Variants in WDPCP observed in about 807,000 individuals in gnomAD.
WDPCP encodes WD repeat containing planar cell polarity effector.
WDPCP carries 71 observed loss-of-function variants against 93.1 expected under a neutral mutation model. The observed-to-expected ratio is 0.76, with a 90% CI of 0.63 to 0.93. The LOEUF is 0.93. Among genes scored for constraint, WDPCP ranks in the 40% least tolerant of loss-of-function variants. WDPCP has a pLI of 0.00. For missense variants in WDPCP, 844 were observed against 887.4 expected, an observed-to-expected ratio of 0.95 and a Z score of 0.62; for synonymous variants, 315 against 315.0, an observed-to-expected ratio of 1.00 and a Z score of 0.00.
At chr2:63,370,566 TA>T (rs534209261) in intron 12 of WDPCP, among the ~76,000 whole-genome samples, 18 of 151,228 alleles carry the variant, frequency 1.2e-4, no homozygotes, top group South Asian at 8.3e-4. Flanking sequence ...TAAAAAGGAC[TA>T]AAAAAAAACA....
intron 14 of WDPCP, among the ~76,000 whole-genome samples, chr2:63,201,779 A>G (rs1373476637): frequency 6.6e-6 from 1 of 152,110 alleles, no homozygotes; most frequent in Non-Finnish European, 1.5e-5. Flanking sequence ...TATCCATCCA[A>G]TGTGACTCTT....
the WDPCP span, among the ~76,000 whole-genome samples, chr2:63,838,436 A>G: frequency 6.6e-6 from 1 of 152,226 alleles, no homozygotes; most frequent in Non-Finnish European, 1.5e-5. Flanking sequence ...CAGAATTTGT[A>G]TCATCCGTGG....
At chr2:63,497,733 A>G (rs571431950) in intron 1 of WDPCP, among the ~76,000 whole-genome samples, 6 of 152,336 alleles carry the variant, frequency 3.9e-5, no homozygotes, top group Admixed American at 3.3e-4. Context: ...AGTTAAAAAG[A>G]ATGCTGGTAA....
intron 13 of WDPCP, among the ~76,000 whole-genome samples, chr2:63,260,726 T>A (rs1366559712): frequency 6.6e-6 from 1 of 152,146 alleles, no homozygotes; most frequent in African/African-American, 2.4e-5. Flanking sequence ...GCTTTTGTAT[T>A]TTTAGTAGAG....
intron 1 of WDPCP, among the ~76,000 whole-genome samples, chr2:63,510,006 AGAG>A (rs2106079107): frequency 6.6e-6 from 1 of 152,048 alleles, no homozygotes; most frequent in South Asian, 2.1e-4. Flanking sequence ...AGAGGTACAA[AGAG>A]GAGCTGGTAC....
At chr2:63,147,343 T>A (rs1046633330) in intron 17 of WDPCP, among the ~76,000 whole-genome samples, 16 of 152,282 alleles carry the variant, frequency 1.1e-4, no homozygotes, top group African/African-American at 3.6e-4. Flanking sequence ...AGATGATTGA[T>A]TAACCTAAAT....
At chr2:63,826,921 T>C (rs1218832814) in intron 1 of WDPCP, among the ~76,000 whole-genome samples, 2 of 152,204 alleles carry the variant, frequency 1.3e-5, no homozygotes, top group Non-Finnish European at 2.9e-5. Context: ...ACTACTTCTA[T>C]AGACCATTGT....
At chr2:63,771,125 C>A (rs1670219588) in intron 2 of WDPCP, among the ~76,000 whole-genome samples, 2 of 151,190 alleles carry the variant, frequency 1.3e-5, no homozygotes, top group South Asian at 4.2e-4. Flanking sequence ...CTGAGAATCG[C>A]TGAGCTAATA....
At chr2:63,326,503 C>T (rs542584805) in intron 12 of WDPCP, among the ~76,000 whole-genome samples, 38 of 151,640 alleles carry the variant, frequency 2.5e-4, no homozygotes, top group African/African-American at 7.5e-4. Context: ...AAGGGAAAGA[C>T]CAGCAGAAAG....
chr2:63,185,648 T>C (rs1339430473), intron 14 of WDPCP, among the ~76,000 whole-genome samples: 1 of 152,198 alleles, frequency 6.6e-6, no homozygotes, highest in African/African-American at 2.4e-5. Flanking sequence ...ATAAGTGCTA[T>C]GGGCTTGTGT....
At chr2:63,621,631 C>T (rs984666435) in intron 3 of WDPCP, among the ~76,000 whole-genome samples, 2 of 152,106 alleles carry the variant, frequency 1.3e-5, no homozygotes, top group South Asian at 2.1e-4. Flanking sequence ...ACTTCCCCAA[C>T]GTAGCAAGGC....
chr2:63,640,218 C>T (rs1447411611), intron 3 of WDPCP, among the ~76,000 whole-genome samples: 1 of 152,196 alleles, frequency 6.6e-6, no homozygotes, highest in African/African-American at 2.4e-5. Context: ...CCGTGTTAGC[C>T]AGGATGGTGT....
intron 2 of WDPCP, chr2:63,717,444 A>C: frequency 2.6e-6 from 1 of 389,420 alleles, no homozygotes; most frequent in Non-Finnish European, 5.0e-6. Context: ...CTGCTGCCCA[A>C]AACTAAAGGT....
Position 63,588,412 on chromosome 2 carries a change from G to A in WDPCP, c.-141C>T, listed in dbSNP as rs1013476434. On this transcript the variant is annotated 5_prime_UTR_variant, in exon 1 of 18. Transcript: ENST00000272321. Reference sequence around the variant, plus strand: ...TCCTCAGGTGCTACAAAGCAGCCAGGGTGTGCGTGCGCTCCCGCCTCGTCG... The same window carrying A: ...TCCTCAGGTGCTACAAAGCAGCCAGAGTGTGCGTGCGCTCCCGCCTCGTCG... 5.1e-6 allele frequency: 5 copies of A among 975,256 alleles called. No individual in the cohort carries two copies. Among genetic ancestry groups the A allele is most frequent in the Non-Finnish European group, 8.0e-6 (5 of 622,428 alleles). 60.4% of individuals were successfully genotyped at this position (975,256 alleles called of 1,614,324 possible).
chr2:63,549,182 G>A (rs1057483494), intron 1 of WDPCP, among the ~76,000 whole-genome samples: 3 of 150,178 alleles, frequency 2.0e-5, no homozygotes, highest in African/African-American at 4.9e-5. Flanking sequence ...CCTGGGAGGC[G>A]GAGGCTGCAG....
intron 15 of WDPCP, among the ~76,000 whole-genome samples, chr2:63,165,875 A>G (rs1464602413): frequency 2.0e-5 from 3 of 151,162 alleles, no homozygotes; most frequent in Non-Finnish European, 4.4e-5. Context: ...AAGTTGGTCC[A>G]TTTTGTTGTT....
chr2:63,481,911 T>C (rs747651743), intron 6 of WDPCP, among the ~76,000 whole-genome samples: 7 of 150,226 alleles, frequency 4.7e-5, no homozygotes, highest in Admixed American at 6.6e-5. Context: ...AAAAATAAAA[T>C]TAAAAAATAA....
chr2:63,360,355 C>G (rs1158653781), intron 12 of WDPCP, among the ~76,000 whole-genome samples: 1 of 152,220 alleles, frequency 6.6e-6, no homozygotes, highest in Non-Finnish European at 1.5e-5. Flanking sequence ...ATTTCGCTAT[C>G]TGACAAAAGC....
intron 3 of WDPCP, among the ~76,000 whole-genome samples, chr2:63,602,564 CTG>C (rs1003228533): frequency 1.3e-5 from 2 of 151,940 alleles, no homozygotes; most frequent in Non-Finnish European, 2.9e-5. Flanking sequence ...TTATTTTTTT[CTG>C]TGTCTTTATG....
Sources: gnomAD v4.1 joint callset for allele counts (sites outside exome capture counted in the v4.1 genomes callset) on GRCh38, gnomAD v4.1.1 for gene constraint, MANE v1.5 for transcripts, NCBI Gene and HGNC (gene_info 2026-07-23, HGNC 2026-07-21) for gene names.